PRKACB: variants seen among roughly 807,000 people sequenced by gnomAD.
The protein encoded by PRKACB is cAMP-dependent protein kinase catalytic subunit beta.
PRKACB carries 16 observed loss-of-function variants against 51.4 expected under a neutral mutation model. The ratio of observed to expected loss-of-function variants is 0.31; its 90% CI spans 0.21 to 0.47. The LOEUF is 0.47. Ranked by LOEUF, PRKACB falls within the 20% of genes least tolerant of loss-of-function variation. PRKACB has a pLI of 1.00. For synonymous variants in PRKACB, 147 were observed against 154.4 expected, an observed-to-expected ratio of 0.95 and a Z score of 0.35; for missense variants, 309 against 464.5, an observed-to-expected ratio of 0.67 and a Z score of 3.08.
chr1:84,098,908 T>C (rs896742992), intron 1 of PRKACB, among the ~76,000 whole-genome samples: 1 of 152,070 alleles, frequency 6.6e-6, no homozygotes, highest in Non-Finnish European at 1.5e-5. Flanking sequence ...TCAAGGATCC[T>C]GAAAAGGATT....
intron 7 of PRKACB, among the ~76,000 whole-genome samples, chr1:84,201,098 G>C (rs907833765): frequency 6.6e-6 from 1 of 151,960 alleles, no homozygotes; most frequent in Non-Finnish European, 1.5e-5. Context: ...TCAAGGAATA[G>C]GAACATTTTT....
chr1:84,183,806 A>T (rs1664296742), intron 3 of PRKACB, among the ~76,000 whole-genome samples: 1 of 151,748 alleles, frequency 6.6e-6, no homozygotes, highest in Non-Finnish European at 1.5e-5. Flanking sequence ...CCTAAGACCA[A>T]GTTTTAAATC....
chr1:84,078,104 C>CCACCGCCGT, upstream of PRKACB: 1 of 438,214 alleles, frequency 2.3e-6, no homozygotes, highest in Non-Finnish European at 3.9e-6. Flanking sequence ...GCCGTCGCCG[C>CCACCGCCGT]CGCCGCCGCC....
chr1:84,187,082 A>G (rs1665351215), intron 5 of PRKACB, among the ~76,000 whole-genome samples: 1 of 152,196 alleles, frequency 6.6e-6, no homozygotes, highest in African/African-American at 2.4e-5. Context: ...AACTAAAGAA[A>G]TCAAAGGACC....
In PRKACB at chr1:84,079,654, G is replaced by C. The variant is rs1286004890; in HGVS notation, c.46+1283G>C. 4.6e-5 allele frequency among the ~76,000 whole-genome samples: 7 copies of C among 152,164 alleles called. No homozygotes were observed. The South Asian group carries it at 1.5e-3, about 32-fold the overall frequency. The stretch of plus-strand genomic sequence containing the variant: ...ATTTAAAGAAGCCAATGTAGAGGTA[G>C]AATGTATGTTATTTTATTATTATTT... On this transcript the variant is annotated intron_variant, in intron 1 of 8. Coordinates refer to the PRKACB transcript ENST00000370688.
At chr1:84,101,787 G>C (rs1260110944) in intron 1 of PRKACB, among the ~76,000 whole-genome samples, 1 of 152,118 alleles carries the variant, frequency 6.6e-6, no homozygotes, top group African/African-American at 2.4e-5. Context: ...CACTTTCCTA[G>C]TGCCAAATTG....
At chr1:84,142,892 T>G (rs572600458), upstream of PRKACB, among the ~76,000 whole-genome samples, 5 of 152,302 alleles carry the variant, frequency 3.3e-5, no homozygotes, top group East Asian at 9.6e-4. Context: ...CTTATCAGTA[T>G]TGTTTCTATT....
chr1:84,182,368 T>C (rs1044325853), intron 3 of PRKACB, 40 bp downstream of exon 3: 3 of 1,463,474 alleles, frequency 2.0e-6, no homozygotes, highest in Non-Finnish European at 2.7e-6. Context: ...GGGTAAACTT[T>C]AGTTTTATCA....
chr1:84,144,824 T>C (rs1318246679), intron 1 of PRKACB, among the ~76,000 whole-genome samples: 2 of 152,164 alleles, frequency 1.3e-5, no homozygotes, highest in Non-Finnish European at 2.9e-5. Context: ...ATGTACTTTT[T>C]TTTGTTGTTC....
intron 5 of PRKACB, among the ~76,000 whole-genome samples, chr1:84,186,277 G>A (rs1050837711): frequency 1.6e-4 from 25 of 151,950 alleles, no homozygotes; most frequent in Admixed American, 7.9e-4. Flanking sequence ...GGAGTACAGC[G>A]GCACCATTTC....
chr1:84,197,407 C>A (rs1668518869), intron 6 of PRKACB, among the ~76,000 whole-genome samples: 1 of 152,070 alleles, frequency 6.6e-6, no homozygotes, highest in African/African-American at 2.4e-5. Context: ...AGCATTGTTT[C>A]ATTTTTATTA....
intron 9 of PRKACB, among the ~76,000 whole-genome samples, chr1:84,222,714 T>C (rs1673922960): frequency 1.3e-5 from 2 of 152,234 alleles, no homozygotes; most frequent in African/African-American, 4.8e-5. Flanking sequence ...TCCCTCAGTT[T>C]TTGCTTATCT....
chr1:84,146,511 G>A (rs1465524094), intron 1 of PRKACB, among the ~76,000 whole-genome samples: 2 of 151,930 alleles, frequency 1.3e-5, no homozygotes, highest in South Asian at 2.1e-4. Context: ...TGGCGAATGA[G>A]TTATAGAAGG....
intron 1 of PRKACB, among the ~76,000 whole-genome samples, chr1:84,111,797 G>A (rs896557298): frequency 1.3e-5 from 2 of 151,954 alleles, no homozygotes; most frequent in East Asian, 3.9e-4. Context: ...TAAAGGCAGA[G>A]TAAAAGACAT....
upstream of PRKACB, among the ~76,000 whole-genome samples, chr1:84,139,501 G>A (rs201774715): frequency 6.7e-4 from 102 of 152,130 alleles, no homozygotes; most frequent in African/African-American, 2.3e-3. Context: ...AAATACTTAG[G>A]TATAAATCTA....
At chr1:84,078,140 A>G, upstream of PRKACB, 1 of 569,990 alleles carries the variant, frequency 1.8e-6, no homozygotes, top group Non-Finnish European at 2.9e-6. Flanking sequence ...GCCGGTGCTA[A>G]GGAGTTCGCT....
chr1:84,162,580 A>G (rs1656339566), intron 1 of PRKACB, among the ~76,000 whole-genome samples: 1 of 151,896 alleles, frequency 6.6e-6, no homozygotes, highest in Non-Finnish European at 1.5e-5. Flanking sequence ...GGCTTACTAT[A>G]CTGAGTTTTA....
intron 8 of PRKACB, among the ~76,000 whole-genome samples, chr1:84,212,337 T>C (rs1458411793): frequency 6.8e-6 from 1 of 147,454 alleles, no homozygotes; most frequent in East Asian, 1.9e-4. Context: ...GGACCAGATT[T>C]TGAAAAAATT....
At chr1:84,081,183 A>G (rs1015252442) in intron 1 of PRKACB, among the ~76,000 whole-genome samples, 2 of 152,220 alleles carry the variant, frequency 1.3e-5, no homozygotes, top group African/African-American at 4.8e-5. Context: ...ATTTCTAAAA[A>G]TATTCCAGAA....
Sources: gnomAD v4.1 joint callset for allele counts (sites outside exome capture counted in the v4.1 genomes callset) on GRCh38, gnomAD v4.1.1 for gene constraint, MANE v1.5 for transcripts, NCBI Gene and HGNC (gene_info 2026-07-23, HGNC 2026-07-21) for gene names.